MAP7: variants seen among roughly 807,000 people sequenced by gnomAD.
MAP7 encodes ensconsin.
In MAP7, 52 loss-of-function variants were observed where a neutral mutation model predicts 94.8. The observed-to-expected ratio is 0.55, with a 90% confidence interval of 0.44 to 0.69. The LOEUF (loss-of-function observed/expected upper bound fraction) is 0.69, where lower values mean the gene tolerates loss of function less well. Among genes scored for constraint, MAP7 ranks in the 30% least tolerant of loss-of-function variants. The pLI, the probability that MAP7 is intolerant of heterozygous loss-of-function variation, is 0.00. For missense variants in MAP7, 940 were observed against 964.6 expected, an observed-to-expected ratio of 0.97 and a Z score of 0.34; for synonymous variants, 350 against 357.0, an observed-to-expected ratio of 0.98 and a Z score of 0.22.
chr6:136,477,551 T>TA (rs1811319482), intron 1 of MAP7, among the ~76,000 whole-genome samples: 1 of 151,974 alleles, frequency 6.6e-6, no homozygotes. Flanking sequence ...GCAAAAACTA[T>TA]AAAAAGAGAC....
chr6:136,343,798 T>C lies in MAP7; in HGVS notation c.*430A>G, dbSNP rs1214667547. 6.6e-6 allele frequency: 1 copy of C among 152,484 alleles called. No homozygotes were observed. Among genetic ancestry groups the C allele is most frequent in the Admixed American group, 6.5e-5 (1 of 15,284 alleles). 9.4% of individuals were successfully genotyped at this position (152,484 alleles called of 1,614,324 possible). ...AGGCTTAAACTCTTCTCCTATTCAT[T>C]CTACTTGTAGAACAAAGAGGTACTT... On this transcript the variant is annotated 3_prime_UTR_variant, in exon 18 of 18. Transcript: ENST00000354570.
At chr6:136,455,821 A>C (rs1802702070) in intron 1 of MAP7, among the ~76,000 whole-genome samples, 1 of 152,208 alleles carries the variant, frequency 6.6e-6, no homozygotes, top group Non-Finnish European at 1.5e-5. Context: ...CTCTAAAATC[A>C]AGGCACAAAT....
intron 1 of MAP7, among the ~76,000 whole-genome samples, chr6:136,425,000 C>T (rs117681994): frequency 6.6e-6 from 1 of 152,300 alleles, no homozygotes; most frequent in East Asian, 1.9e-4. Context: ...CAAGACCCTC[C>T]GTGGATGCCT....
At chr6:136,380,152 TCCATTATAGG>T (rs1011193425) in intron 6 of MAP7, among the ~76,000 whole-genome samples, 3 of 152,168 alleles carry the variant, frequency 2.0e-5, no homozygotes, top group African/African-American at 7.2e-5. Context: ...ATTGACAATT[TCCATTATAGG>T]CCACCCAGAT....
chr6:136,477,557 G>A (rs1811320554), intron 1 of MAP7, among the ~76,000 whole-genome samples: 1 of 152,090 alleles, frequency 6.6e-6, no homozygotes, highest in South Asian at 2.1e-4. Flanking sequence ...ACTATAAAAA[G>A]AGACAAAGAA....
intron 2 of MAP7, among the ~76,000 whole-genome samples, chr6:136,417,771 T>C (rs982160188): frequency 1.3e-5 from 2 of 152,114 alleles, no homozygotes; most frequent in Admixed American, 1.3e-4. Context: ...GTCATTACAA[T>C]TGCACCGTGT....
At chr6:136,513,910 G>T (rs375886229) in intron 1 of MAP7, among the ~76,000 whole-genome samples, 10 of 152,272 alleles carry the variant, frequency 6.6e-5, no homozygotes, top group African/African-American at 2.2e-4. Context: ...GCAAGTGGTG[G>T]TGGTGGTTTT....
intron 1 of MAP7, among the ~76,000 whole-genome samples, chr6:136,438,476 G>A (rs1392336667): frequency 2.0e-5 from 3 of 152,120 alleles, no homozygotes; most frequent in Non-Finnish European, 4.4e-5. Context: ...GAACTAAGAT[G>A]GGGTTCAGGA....
intron 15 of MAP7, among the ~76,000 whole-genome samples, chr6:136,358,612 AC>A (rs1156823507): frequency 6.6e-6 from 1 of 152,092 alleles, no homozygotes; most frequent in Non-Finnish European, 1.5e-5. Context: ...ACATTTGAAA[AC>A]CCTTAATGTT....
chr6:136,516,425 T>C (rs1243014640), intron 1 of MAP7, among the ~76,000 whole-genome samples: 1 of 152,140 alleles, frequency 6.6e-6, no homozygotes, highest in Non-Finnish European at 1.5e-5. Flanking sequence ...CCCAAAGCAC[T>C]GGGATTACAG....
intron 1 of MAP7, among the ~76,000 whole-genome samples, chr6:136,493,765 C>T (rs1038936872): frequency 2.0e-5 from 3 of 152,140 alleles, no homozygotes; most frequent in African/African-American, 7.2e-5. Context: ...TTTTTCAAAA[C>T]TCTCAGACAT....
At chr6:136,362,811 A>C in intron 10 of MAP7, 109 bp from the exon 11 acceptor site, 1 of 1,466,988 alleles carries the variant, frequency 6.8e-7, no homozygotes, top group Non-Finnish European at 9.0e-7. Context: ...TTATGAAAGA[A>C]AAGGGAATGT....
chr6:136,505,921 T>C (rs1210752560), intron 1 of MAP7, among the ~76,000 whole-genome samples: 1 of 152,214 alleles, frequency 6.6e-6, no homozygotes, highest in African/African-American at 2.4e-5. Context: ...CTGTGAAGTG[T>C]ATGTTGATAT....
intron 1 of MAP7, among the ~76,000 whole-genome samples, chr6:136,470,233 G>A (rs530653451): frequency 6.6e-6 from 1 of 151,828 alleles, no homozygotes; most frequent in South Asian, 2.1e-4. Context: ...GAGAGAAACT[G>A]GTTTTTGTAA....
intron 3 of MAP7, 84 bp from the exon 4 acceptor site, chr6:136,389,601 G>T: frequency 1.5e-6 from 2 of 1,309,924 alleles, no homozygotes; most frequent in Non-Finnish European, 2.2e-6. Flanking sequence ...GCTGTATTAA[G>T]TGGTCTACAA....
In MAP7 at chr6:136,383,362, T is replaced by C. The variant is rs1026152545; in HGVS notation, c.637+309A>G. Among the ~76,000 whole-genome samples the C allele has an allele frequency of 3.3e-5, 5 of 152,218 alleles. No homozygotes were observed. In the South Asian group the frequency reaches 6.2e-4, roughly 19 times the overall value. On this transcript the variant is annotated intron_variant, in intron 6 of 17. Transcript: ENST00000354570. ...GTAAAAGAAATGTTCATAACAAAGA[T>C]TATTTGCATTTTGGTGGATAAGTGG...
rs200050947 is a variant in MAP7 at position 136,359,158 on chromosome 6, CA to C, written c.1912+661del. On this transcript the variant is annotated intron_variant, in intron 15 of 17. Coordinates refer to ENST00000354570, the MANE Select transcript of MAP7 (RefSeq NM_003980.6). ...TTAAATACATTTGACTTATAATCTC[CA>C]AAAAAAAATCAATAATCTCTTTCCA... is the stretch of plus-strand genomic sequence containing the variant. Among the ~76,000 whole-genome samples, 1,381 of 150,054 alleles carry C rather than the reference CA, an allele frequency of 9.2e-3. 59 individuals carry two copies. The East Asian group carries it at 0.14, about 15-fold the overall frequency.
rs1212515921 is a variant in MAP7, at chr6:136,344,258, A to C, written c.2240-20T>G. On this transcript the variant is annotated intron_variant, in intron 17 of 17. Transcript: ENST00000354570. ...TAACTTCTACATGAAGAGACAGAAA[A>C]AGAACAAGATTAATATGACATTTAT... 2 of 1,283,610 alleles carry C rather than the reference A, an allele frequency of 1.6e-6. No individual in the cohort carries two copies. Among genetic ancestry groups the C allele is most frequent in the African/African-American group, 3.1e-5 (2 of 64,852 alleles). 79.5% of individuals were successfully genotyped at this position (1,283,610 alleles called of 1,614,324 possible). A position where few individuals can be genotyped will look rare whatever the true frequency, so the allele number is the denominator to read the frequency against.
intron 1 of MAP7, among the ~76,000 whole-genome samples, chr6:136,456,904 A>G (rs887341467): frequency 6.0e-5 from 9 of 151,030 alleles, no homozygotes; most frequent in South Asian, 2.1e-4. Context: ...ACATTATACC[A>G]CCAAAGAGCA....
Sources: gnomAD v4.1 joint callset for allele counts (sites outside exome capture counted in the v4.1 genomes callset) on GRCh38, gnomAD v4.1.1 for gene constraint, MANE v1.5 for transcripts, NCBI Gene and HGNC (gene_info 2026-07-23, HGNC 2026-07-21) for gene names.